TGFBR3: variants seen among roughly 807,000 people sequenced by gnomAD.
TGFBR3 encodes transforming growth factor beta receptor type 3.
Under a neutral mutation model 87.9 loss-of-function variants are expected in TGFBR3, and 46 were observed. That is an observed-to-expected ratio of 0.52 (90% CI 0.41 to 0.67). TGFBR3 has a LOEUF of 0.67. Among genes scored for constraint, TGFBR3 ranks in the 30% least tolerant of loss-of-function variants. The pLI is 0.00. For synonymous variants in TGFBR3, 381 were observed against 391.6 expected (o/e 0.97, Z 0.32); for missense variants, 866 against 1,041.9 (o/e 0.83, Z 2.32).
At chr1:91,802,214 G>A (rs902404737) in intron 2 of TGFBR3, among the ~76,000 whole-genome samples, 8 of 152,186 alleles carry the variant, frequency 5.3e-5, no homozygotes, top group African/African-American at 1.4e-4. Context: ...TTCCATCGCC[G>A]CCTTCCAGGT....
intron 2 of TGFBR3, among the ~76,000 whole-genome samples, chr1:91,859,858 G>A (rs1678108642): frequency 6.8e-6 from 1 of 146,056 alleles, no homozygotes; most frequent in Non-Finnish European, 1.5e-5. Context: ...GCAGTGAGCC[G>A]AGATCACACC....
intron 2 of TGFBR3, among the ~76,000 whole-genome samples, chr1:91,817,359 C>A (rs775217549): frequency 1.3e-5 from 2 of 151,900 alleles, no homozygotes; most frequent in Non-Finnish European, 2.9e-5. Flanking sequence ...AAGATGTAAC[C>A]CCCTCTTCAC....
chr1:91,870,665 C>T (rs1053488128), intron 1 of TGFBR3, among the ~76,000 whole-genome samples: 1 of 152,152 alleles, frequency 6.6e-6, no homozygotes, highest in African/African-American at 2.4e-5. Context: ...GACAGATGCC[C>T]TTTACTCCAT....
intron 3 of TGFBR3, among the ~76,000 whole-genome samples, chr1:91,785,298 G>A (rs577085834): frequency 4.5e-4 from 68 of 152,330 alleles, no homozygotes; most frequent in African/African-American, 1.6e-3. Flanking sequence ...TAGATTAGTG[G>A]CTACCTTGGG....
intron 1 of TGFBR3, among the ~76,000 whole-genome samples, chr1:91,875,478 T>C (rs1678747970): frequency 6.6e-6 from 1 of 151,148 alleles, no homozygotes; most frequent in African/African-American, 2.4e-5. Context: ...AGCACAGAAA[T>C]ATGAGCAACT....
intron 2 of TGFBR3, among the ~76,000 whole-genome samples, chr1:91,814,729 G>C (rs989763988): frequency 4.6e-5 from 7 of 152,116 alleles, no homozygotes; most frequent in Non-Finnish European, 8.8e-5. Flanking sequence ...GAATATTAAA[G>C]ACAATAAGTG....
chr1:91,796,658 T>A (rs964179148), intron 3 of TGFBR3, among the ~76,000 whole-genome samples: 3 of 152,316 alleles, frequency 2.0e-5, no homozygotes, highest in Middle Eastern at 3.4e-3. Context: ...GAAAGACATT[T>A]CACAACAACA....
intron 7 of TGFBR3, among the ~76,000 whole-genome samples, chr1:91,723,614 G>A (rs1488775937): frequency 1.3e-5 from 2 of 152,012 alleles, no homozygotes; most frequent in African/African-American, 2.4e-5. Flanking sequence ...ACAAGGACAT[G>A]GAAGGTAAAT....
intron 16 of TGFBR3, among the ~76,000 whole-genome samples, chr1:91,687,225 G>A (rs143565091): frequency 3.0e-4 from 46 of 152,296 alleles, no homozygotes; most frequent in African/African-American, 1.0e-3. Context: ...AGGCTGAAGG[G>A]GGAGGATCTC....
intron 3 of TGFBR3, among the ~76,000 whole-genome samples, chr1:91,789,928 C>T (rs1487124429): frequency 1.3e-5 from 2 of 152,162 alleles, no homozygotes; most frequent in Non-Finnish European, 2.9e-5. Context: ...AAAGGAGTAA[C>T]TCTTTTTATA....
At chr1:91,696,608 C>G (rs1450891319) in intron 15 of TGFBR3, among the ~76,000 whole-genome samples, 1 of 152,118 alleles carries the variant, frequency 6.6e-6, no homozygotes, top group Non-Finnish European at 1.5e-5. Flanking sequence ...AGAGAACTAC[C>G]TTCTTTGAGT....
chr1:91,804,960 G>C (rs1374362422), intron 2 of TGFBR3, among the ~76,000 whole-genome samples: 1 of 152,208 alleles, frequency 6.6e-6, no homozygotes, highest in African/African-American at 2.4e-5. Context: ...CCAGGGCGTG[G>C]ACGATGACGA....
intron 3 of TGFBR3, among the ~76,000 whole-genome samples, chr1:91,764,143 C>T (rs1020072802): frequency 2.0e-5 from 3 of 151,910 alleles, no homozygotes; most frequent in African/African-American, 7.3e-5. Context: ...AACCATTCTC[C>T]TTGGTCAAAT....
intron 3 of TGFBR3, among the ~76,000 whole-genome samples, chr1:91,767,970 TG>T (rs1198564665): frequency 2.6e-5 from 4 of 151,790 alleles, no homozygotes; most frequent in African/African-American, 9.7e-5. Flanking sequence ...CCCAGCACTT[TG>T]GGAGGCCAAG....
At chr1:91,731,211 T>C (rs922026529) in intron 5 of TGFBR3, among the ~76,000 whole-genome samples, 2 of 152,232 alleles carry the variant, frequency 1.3e-5, no homozygotes, top group Admixed American at 6.5e-5. Context: ...GAAGTCTCAC[T>C]TTGGAGTAAG....
chr1:91,779,793 C>T (rs907839648), intron 3 of TGFBR3, among the ~76,000 whole-genome samples: 1 of 152,142 alleles, frequency 6.6e-6, no homozygotes, highest in African/African-American at 2.4e-5. Flanking sequence ...TTACCATAAA[C>T]TGGGTGGCTT....
chr1:91,764,382 C>T (rs1221290484), intron 3 of TGFBR3, among the ~76,000 whole-genome samples: 1 of 149,510 alleles, frequency 6.7e-6, no homozygotes, highest in South Asian at 2.1e-4. Flanking sequence ...ATAAGCTCTG[C>T]TCCATATTTT....
intron 2 of TGFBR3, among the ~76,000 whole-genome samples, chr1:91,893,430 C>T (rs1001271571): frequency 1.6e-4 from 25 of 152,102 alleles, no homozygotes; most frequent in South Asian, 4.2e-4. Context: ...ATTACAGGCA[C>T]GTACCACCAT....
intron 3 of TGFBR3, among the ~76,000 whole-genome samples, chr1:91,770,306 C>T (rs927484022): frequency 1.3e-5 from 2 of 151,272 alleles, no homozygotes; most frequent in African/African-American, 4.9e-5. Context: ...CTTACATAGA[C>T]TGATTCCTAC....
Sources: allele counts gnomAD v4.1 joint callset (sites outside exome capture counted in the v4.1 genomes callset), GRCh38; gene constraint gnomAD v4.1.1; transcripts MANE v1.5; gene names NCBI Gene and HGNC (gene_info 2026-07-23, HGNC 2026-07-21).